The following FANCC variants were observed in gnomAD, a reference collection of about 807,000 sequenced individuals.
FANCC encodes the protein Fanconi anemia group C protein.
A neutral mutation model predicts 71.3 loss-of-function variants in FANCC; 55 were observed. The ratio of observed to expected loss-of-function variants is 0.77; its 90% CI spans 0.62 to 0.97. The LOEUF is 0.97. Ranked by LOEUF, FANCC falls within the 50% of genes least tolerant of loss-of-function variation. The pLI is 0.00. For synonymous variants in FANCC, 275 were observed against 244.9 expected, an observed-to-expected ratio of 1.12 and a Z score of -1.15; for missense variants, 678 against 670.9, an observed-to-expected ratio of 1.01 and a Z score of -0.12.
chr9:95,229,805 A>T (rs1829880474), intron 4 of FANCC, among the ~76,000 whole-genome samples: 1 of 142,824 alleles, frequency 7.0e-6, no homozygotes, highest in African/African-American at 2.6e-5. Flanking sequence ...ACACACACAC[A>T]TTGTAATTCT....
intron 1 of FANCC, among the ~76,000 whole-genome samples, chr9:95,258,339 C>T (rs894922612): frequency 6.6e-6 from 1 of 152,176 alleles, no homozygotes; most frequent in Non-Finnish European, 1.5e-5. Flanking sequence ...AGCTTATCCA[C>T]CACAATCAAG....
intron 4 of FANCC, among the ~76,000 whole-genome samples, chr9:95,180,339 CTTTTTTTTTTTT>C (rs34697587): frequency 1.2e-5 from 1 of 82,162 alleles, no homozygotes; most frequent in African/African-American, 4.7e-5. Flanking sequence ...ACAGTTAACT[CTTTTTTTTTTTT>C]TTTTTTTTTT....
intron 1 of FANCC, among the ~76,000 whole-genome samples, chr9:95,271,772 A>G (rs899952018): frequency 6.6e-6 from 1 of 151,814 alleles, no homozygotes; most frequent in Non-Finnish European, 1.5e-5. Flanking sequence ...AGGTTTCCAC[A>G]TTAGGAGTTT....
At chr9:95,196,555 A>G (rs1442225210) in intron 4 of FANCC, among the ~76,000 whole-genome samples, 1 of 152,146 alleles carries the variant, frequency 6.6e-6, no homozygotes, top group African/African-American at 2.4e-5. Context: ...ACGACACTAC[A>G]CTTGCAAAAC....
intron 7 of FANCC, 103 bp from the exon 8 acceptor site, chr9:95,135,605 T>C (rs1827557679): frequency 3.2e-6 from 3 of 942,482 alleles, no homozygotes; most frequent in Non-Finnish European, 5.0e-6. Flanking sequence ...TTGTGAGACT[T>C]CTCATCATGG....
At chr9:95,209,103 TACTA>T (rs1374177709) in intron 4 of FANCC, among the ~76,000 whole-genome samples, 1 of 152,126 alleles carries the variant, frequency 6.6e-6, no homozygotes, top group Non-Finnish European at 1.5e-5. Context: ...TAAATGATAT[TACTA>T]AATGAAAGAA....
intron 4 of FANCC, among the ~76,000 whole-genome samples, chr9:95,173,211 G>A (rs1036792104): frequency 2.0e-5 from 3 of 152,286 alleles, no homozygotes; most frequent in Middle Eastern, 3.4e-3. Context: ...TGTACTCTGT[G>A]TGAGCTCCTG....
chr9:95,129,962 C>T (rs1826636061), intron 8 of FANCC, among the ~76,000 whole-genome samples: 3 of 152,180 alleles, frequency 2.0e-5, no homozygotes, highest in Admixed American at 2.0e-4. Context: ...GTTTATCTCC[C>T]CTCCACCTAG....
At chr9:95,154,488 T>TA (rs1830349854) in intron 6 of FANCC, among the ~76,000 whole-genome samples, 1 of 152,184 alleles carries the variant, frequency 6.6e-6, no homozygotes, top group Non-Finnish European at 1.5e-5. Flanking sequence ...ATTATTTATT[T>TA]ACAGAATGGA....
At chr9:95,248,230 T>C (rs1314762351) in intron 2 of FANCC, among the ~76,000 whole-genome samples, 2 of 152,214 alleles carry the variant, frequency 1.3e-5, no homozygotes, top group African/African-American at 4.8e-5. Context: ...CAAACTAGGA[T>C]AACATGCAGG....
chr9:95,185,943 CTAAT>C (rs1826681118), intron 4 of FANCC, among the ~76,000 whole-genome samples: 1 of 152,216 alleles, frequency 6.6e-6, no homozygotes, highest in Non-Finnish European at 1.5e-5. Context: ...GAAGCCAAGT[CTAAT>C]TAATTTTTTC....
intron 4 of FANCC, among the ~76,000 whole-genome samples, chr9:95,233,482 A>G (rs575898307): frequency 6.6e-5 from 10 of 152,312 alleles, no homozygotes; most frequent in African/African-American, 2.4e-4. Flanking sequence ...CAGGCTAGTA[A>G]GGGTATAAAA....
At chr9:95,294,937 A>T in intron 1 of FANCC, 1 of 787,968 alleles carries the variant, frequency 1.3e-6, no homozygotes, top group Non-Finnish European at 1.8e-6. Flanking sequence ...GCTTCTTTGC[A>T]GTTCTTTGCC....
At chr9:95,315,513 C>G (rs568289147) in intron 1 of FANCC, among the ~76,000 whole-genome samples, 18 of 152,306 alleles carry the variant, frequency 1.2e-4, no homozygotes, top group African/African-American at 3.4e-4. Flanking sequence ...CATAAGCCAC[C>G]ATGCTCTGCC....
chr9:95,254,030 C>A (rs963849699), intron 1 of FANCC, among the ~76,000 whole-genome samples: 20 of 152,256 alleles, frequency 1.3e-4, no homozygotes, highest in African/African-American at 4.8e-4. Context: ...GGTCTGGTTC[C>A]TAACAGGCCA....
intron 8 of FANCC, among the ~76,000 whole-genome samples, chr9:95,127,741 C>G (rs890665250): frequency 2.3e-4 from 35 of 152,356 alleles, no homozygotes; most frequent in African/African-American, 8.4e-4. Flanking sequence ...CGCTCTGCTC[C>G]GGCCGTGCCC....
intron 6 of FANCC, among the ~76,000 whole-genome samples, chr9:95,169,386 A>G (rs527399440): frequency 6.6e-6 from 1 of 152,352 alleles, no homozygotes; most frequent in South Asian, 2.1e-4. Context: ...TACTATCCAC[A>G]GTTTCAGACA....
intron 1 of FANCC, among the ~76,000 whole-genome samples, chr9:95,307,838 T>C (rs1220105925): frequency 2.6e-5 from 4 of 152,238 alleles, no homozygotes; most frequent in Non-Finnish European, 5.9e-5. Flanking sequence ...TCTTAGTCTG[T>C]TTTGTGCTGC....
intron 6 of FANCC, among the ~76,000 whole-genome samples, chr9:95,168,226 T>C (rs1314609015): frequency 6.6e-6 from 1 of 152,202 alleles, no homozygotes; most frequent in African/African-American, 2.4e-5. Flanking sequence ...GCAAGACAGA[T>C]ACCAGTCCCT....
Sources: allele counts gnomAD v4.1 joint callset (sites outside exome capture counted in the v4.1 genomes callset), GRCh38; gene constraint gnomAD v4.1.1; transcripts MANE v1.5; gene names NCBI Gene and HGNC (gene_info 2026-07-23, HGNC 2026-07-21).